AFF4: variants seen among roughly 807,000 people sequenced by gnomAD.
AFF4 encodes AF4/FMR2 family member 4.
In AFF4, 13 loss-of-function variants were observed where a neutral mutation model predicts 124.8. The ratio of observed to expected loss-of-function variants is 0.10; its 90% CI spans 0.07 to 0.17. The LOEUF is 0.17. AFF4 is among the 10% of genes least tolerant of loss of function. The pLI, the probability that AFF4 is intolerant of heterozygous loss-of-function variation, is 1.00. For missense variants in AFF4, 1,092 were observed against 1,403.8 expected, an observed-to-expected ratio of 0.78 and a Z score of 3.55; for synonymous variants, 477 against 496.1, an observed-to-expected ratio of 0.96 and a Z score of 0.51.
chr5:132,956,254 A>T (rs1761956195), intron 1 of AFF4, among the ~76,000 whole-genome samples: 1 of 152,136 alleles, frequency 6.6e-6, no homozygotes, highest in Admixed American at 6.6e-5. Flanking sequence ...CAGCAGCAAA[A>T]GCAGCCACAG....
chr5:132,885,211 C>T, intron 18 of AFF4, 92 bp from the exon 19 acceptor site: 1 of 900,584 alleles, frequency 1.1e-6, no homozygotes. Flanking sequence ...GGCAAGAGCT[C>T]ATCGTGAGCA....
chr5:132,913,054 TTAAGTA>T, intron 5 of AFF4, among the ~76,000 whole-genome samples: 2 of 152,218 alleles, frequency 1.3e-5, no homozygotes, highest in African/African-American at 4.8e-5. Flanking sequence ...GAAATGCATT[TTAAGTA>T]TAAGAACATA....
intron 1 of AFF4, among the ~76,000 whole-genome samples, chr5:132,952,842 G>A (rs1433076981): frequency 6.6e-6 from 1 of 152,118 alleles, no homozygotes; most frequent in Non-Finnish European, 1.5e-5. Context: ...AGGTTGCAAT[G>A]AGCCAAGATC....
chr5:132,932,698 A>G (rs41298946), intron 3 of AFF4, among the ~76,000 whole-genome samples: 17,557 of 152,248 alleles, frequency 0.12, 1,286 homozygotes, highest in South Asian at 0.2. Context: ...TAGCATTCCA[A>G]TAATGGAACA....
Position 132,896,813 on chromosome 5 carries a change from T to C in AFF4, c.1817A>G (p.Lys606Arg). ...MPSSRHKAATKGSRKPNIKKE... is the reference protein window; with the variant it reads ...MPSSRHKAATRGSRKPNIKKE... Reference sequence around the variant, plus strand: ...CTTTATATTGGGTTTCCTTGAGCCTTTGGTGGCTGCTTTGTGTCTGCTGGA... The same window carrying C: ...CTTTATATTGGGTTTCCTTGAGCCTCTGGTGGCTGCTTTGTGTCTGCTGGA... The change falls in exon 11 of 21, where the codon AAA (lysine) becomes AGA (arginine). Residue 606 changes from lysine (K) to arginine (R), a missense_variant. By Grantham distance (26) the Lys-to-Arg change is conservative. Coordinates refer to ENST00000265343, the MANE Select transcript of AFF4 (RefSeq NM_014423.4). 6.2e-7 allele frequency: 1 copy of C among 1,614,078 alleles called. No individual in the cohort carries two copies. Among genetic ancestry groups the C allele is most frequent in the Non-Finnish European group, 8.5e-7 (1 of 1,180,006 alleles).
intron 1 of AFF4, among the ~76,000 whole-genome samples, chr5:132,937,448 T>A (rs1006591038): frequency 1.3e-5 from 2 of 152,210 alleles, no homozygotes. Flanking sequence ...ACCTTATCAA[T>A]GTTTGAAGTA....
chr5:132,942,614 G>A (rs1392222549), intron 1 of AFF4, among the ~76,000 whole-genome samples: 1 of 152,082 alleles, frequency 6.6e-6, no homozygotes, highest in Non-Finnish European at 1.5e-5. Context: ...ACAGGCATGC[G>A]CCACCATGCC....
intron 1 of AFF4, among the ~76,000 whole-genome samples, chr5:132,952,433 T>C (rs1761866392): frequency 6.6e-6 from 1 of 152,262 alleles, no homozygotes; most frequent in Non-Finnish European, 1.5e-5. Flanking sequence ...CTCTCCTTGA[T>C]ATACTCTTTG....
intron 5 of AFF4, among the ~76,000 whole-genome samples, chr5:132,914,349 TC>T (rs1477298524): frequency 6.6e-6 from 1 of 151,898 alleles, no homozygotes; most frequent in African/African-American, 2.4e-5. Context: ...ACGCCTGTAA[TC>T]CCAGCATTTT....
chr5:132,899,621 T>C lies in AFF4; in HGVS notation c.1154A>G (p.Lys385Arg), dbSNP rs566627129. The change falls in exon 8 of 21, where the codon AAA becomes AGA. Residue 385 changes from lysine (K) to arginine (R), a missense_variant. Physicochemically the swap from Lys to Arg is conservative, Grantham distance 26 (BLOSUM62 2). Transcript: ENST00000265343. Reference sequence around the variant, plus strand: ...ATCACTGTCTTCACTGCTGCTTAGTTTTAAGTCATCTTTTAACATACTAGA... The same window carrying C: ...ATCACTGTCTTCACTGCTGCTTAGTCTTAAGTCATCTTTTAACATACTAGA... ...QSKSMLKDDL[K>R]LSSSEDSDGE... 155 of 1,612,246 alleles carry C rather than the reference T, an allele frequency of 9.6e-5. 4 individuals are homozygous for C. In the South Asian group the frequency reaches 1.7e-3, roughly 17 times the overall value.
At chr5:132,942,361 G>A (rs1399961367) in intron 1 of AFF4, among the ~76,000 whole-genome samples, 3 of 152,128 alleles carry the variant, frequency 2.0e-5, no homozygotes, top group Non-Finnish European at 4.4e-5. Context: ...AATGGTGAAG[G>A]AGCTTCAATT....
intron 12 of AFF4, 132 bp from the exon 13 acceptor site, chr5:132,892,536 A>G (rs1291945794): frequency 7.8e-7 from 1 of 1,279,924 alleles, no homozygotes; most frequent in Non-Finnish European, 1.1e-6. Context: ...CATGATTTCT[A>G]TAAAACAAAA....
At position 132,899,654 on chromosome 5, in the gene AFF4, G is replaced by T. The variant is rs1760499367; in HGVS notation, c.1134-13C>A. 4 of 1,603,628 alleles carry T rather than the reference G, an allele frequency of 2.5e-6. No individual in the cohort carries two copies. The highest frequency in any genetic ancestry group is 3.4e-6 in the Non-Finnish European group (4 of 1,172,216). ...ATCTTTTAACATACTAGAGGGAAAA[G>T]ACAAAGAATTATTATTTTTGGAACA... On this transcript the variant is annotated splice_polypyrimidine_tract_variant and intron_variant, in intron 7 of 20. Transcript: ENST00000265343.
intron 5 of AFF4, among the ~76,000 whole-genome samples, chr5:132,909,691 T>C (rs1381135825): frequency 3.9e-5 from 6 of 152,234 alleles, no homozygotes; most frequent in Non-Finnish European, 8.8e-5. Context: ...CAGAATATAT[T>C]GTACAGAGCA....
In AFF4 at chr5:132,892,226, A is replaced by G; in HGVS notation, c.2575T>C (p.Ser859Pro). ...KETSGSSKNS[S>P]STSKQKKTEG... ...GTCTTCTTCTGCTTTGATGTGGAGG[A>G]ACTGTTTTTGCTGCTGCCACTCGTC... The change falls in exon 13 of 21, where the codon TCC becomes CCC. Residue 859 changes from serine to proline, a missense_variant. Coordinates refer to ENST00000265343, the MANE Select transcript of AFF4 (RefSeq NM_014423.4). 1 of 1,613,966 alleles carries G rather than the reference A, an allele frequency of 6.2e-7. No homozygotes were observed. Among genetic ancestry groups the G allele is most frequent in the Non-Finnish European group, 8.5e-7 (1 of 1,180,012 alleles).
At chr5:132,889,026 T>C (rs953183597) in intron 14 of AFF4, 53 bp downstream of exon 14, 14 of 1,524,730 alleles carry the variant, frequency 9.2e-6, no homozygotes, top group African/African-American at 2.7e-5. Context: ...GTTTCTTATA[T>C]GCTGACTGGA....
At chr5:132,882,706 T>C (rs1760011139) in intron 20 of AFF4, among the ~76,000 whole-genome samples, 1 of 151,706 alleles carries the variant, frequency 6.6e-6, no homozygotes, top group Non-Finnish European at 1.5e-5. Flanking sequence ...AATACAAAAA[T>C]TAGCCGGGCA....
chr5:132,888,099 A>G lies in AFF4; in HGVS notation c.2794T>C (p.Leu932=), dbSNP rs766116135. Residue 932 remains leucine, a splice_region_variant and synonymous_variant, in exon 15 of 21, where the codon TTG becomes CTG. Transcript: ENST00000265343. ...GTGTAAGGAGAATATCTACATACCA[A>G]TGCATCTGCATTGTGCTTTAGCTTT... ...AKKLKHNADA[L]SDRFEKAVYY... 9 of 1,610,472 alleles carry G rather than the reference A, an allele frequency of 5.6e-6. No individual in the cohort carries two copies. The highest frequency in any genetic ancestry group is 8.5e-7 in the Non-Finnish European group (1 of 1,177,566).
At chr5:132,891,229 C>T (rs1377699026) in intron 13 of AFF4, among the ~76,000 whole-genome samples, 2 of 151,926 alleles carry the variant, frequency 1.3e-5, no homozygotes, top group Non-Finnish European at 2.9e-5. Flanking sequence ...AGAGGTTGTT[C>T]AGCTAGAGAA....
Sources: gnomAD v4.1 joint callset for allele counts (sites outside exome capture counted in the v4.1 genomes callset) on GRCh38, gnomAD v4.1.1 for gene constraint, MANE v1.5 for transcripts, NCBI Gene and HGNC (gene_info 2026-07-23, HGNC 2026-07-21) for gene names.